Variants in RFX5 observed in about 807,000 individuals in gnomAD.
RFX5 encodes the protein DNA-binding protein RFX5.
In RFX5, 30 loss-of-function variants were observed where a neutral mutation model predicts 41.2. That is an observed-to-expected ratio of 0.73 (90% CI 0.54 to 0.99). RFX5 has a LOEUF of 0.99. Ranked by LOEUF, RFX5 falls within the 50% of genes least tolerant of loss-of-function variation. The pLI, the probability that RFX5 is intolerant of heterozygous loss-of-function variation, is 0.00. For synonymous variants in RFX5, 231 were observed against 291.8 expected, an observed-to-expected ratio of 0.79 and a Z score of 2.12; for missense variants, 715 against 773.6, an observed-to-expected ratio of 0.92 and a Z score of 0.90.
rs772299989 is a variant in RFX5 at position 151,342,968 on chromosome 1, A to C, written c.1069T>G (p.Ser357Ala). Residue 357 changes from serine to alanine, a missense_variant, in exon 11 of 11, where the codon TCA becomes GCA. Ser to Ala is a moderately conservative substitution (Grantham distance 99, BLOSUM62 1). Transcript: ENST00000452671. ...SPPILAPRLS[S>A]GALKVATLPL... ...AGTGTAGCCACTTTCAGGGCACCTGAAGAAAGCCTGGGGGCCAGAATAGGT... is the reference window on the plus strand; with the variant it reads ...AGTGTAGCCACTTTCAGGGCACCTGCAGAAAGCCTGGGGGCCAGAATAGGT... The C allele has an allele frequency of 6.2e-7, 1 of 1,614,120 alleles. No homozygotes were observed. The highest frequency in any genetic ancestry group is 1.7e-5 in the Admixed American group (1 of 60,032).
chr1:151,343,074 C>T lies in RFX5; in HGVS notation c.963G>A (p.Gln321=), dbSNP rs1306500810. The T allele has an allele frequency of 6.2e-6, 10 of 1,613,594 alleles. No homozygotes were observed. In the South Asian group the frequency reaches 9.9e-5, roughly 16 times the overall value. The change falls in exon 11 of 11, where the codon CAG becomes CAA. Residue 321 remains glutamine (Q), a synonymous_variant. Transcript: ENST00000452671. ...ESSAPGANNL[Q]VNALVARLPL... ...GCAGCCGAGCCACTAGGGCATTAAC[C>T]TGCAGGTTATTGGCTCCTGGGGCCG...
In RFX5 at chr1:151,341,298, A is replaced by G. The variant is rs7552906; in HGVS notation, c.*888T>C. ...GAGACTAGAAACGAGGAAAGAGGCT[A>G]CAGCTTGTATTGAGGGAAATGCAAG... On this transcript the variant is annotated 3_prime_UTR_variant, in exon 11 of 11. Transcript: ENST00000452671. 0.63 allele frequency: 95,654 copies of G among 152,072 alleles called. 30,218 individuals are homozygous for G. Among genetic ancestry groups the G allele is most frequent in the Middle Eastern group, 0.68 (201 of 296 alleles). The allele number at this position is 152,072 out of a possible 1,614,324, so 9.4% of individuals were successfully genotyped here. A position where few individuals can be genotyped will look rare whatever the true frequency, so the allele number is the denominator to read the frequency against.
At position 151,342,928 on chromosome 1, in the gene RFX5, C is replaced by T. The variant is rs1402328710; in HGVS notation, c.1109G>A (p.Arg370Lys). 1.2e-6 allele frequency: 2 copies of T among 1,614,150 alleles called. No homozygotes were observed. The highest frequency in any genetic ancestry group is 1.7e-6 in the Non-Finnish European group (2 of 1,180,008). ...LKVATLPLSS[R>K]AGAPPAAVPI... is the part of the protein sequence containing the mutation. ...CACAGCTGCTGGGGGTGCCCCGGCC[C>T]TACTAGACAGAGGCAGTGTAGCCAC... The change falls in exon 11 of 11, where the codon AGG becomes AAG. Residue 370 changes from arginine to lysine, a missense_variant. Transcript: ENST00000452671.
In RFX5 at chr1:151,342,923, C is replaced by T. The variant is rs968244065; in HGVS notation, c.1114G>A (p.Gly372Arg). The change falls in exon 11 of 11, where the codon GGG becomes AGG. Residue 372 changes from glycine (G) to arginine (R), a missense_variant. Transcript: ENST00000452671. ...VATLPLSSRAGAPPAAVPIIN... is the reference protein window; with the variant it reads ...VATLPLSSRARAPPAAVPIIN... ...ATGGGCACAGCTGCTGGGGGTGCCCCGGCCCTACTAGACAGAGGCAGTGTA... is the reference window on the plus strand; with the variant it reads ...ATGGGCACAGCTGCTGGGGGTGCCCTGGCCCTACTAGACAGAGGCAGTGTA... 3 of 1,614,148 alleles carry T rather than the reference C, an allele frequency of 1.9e-6. No individual in the cohort carries two copies. Among genetic ancestry groups the T allele is most frequent in the East Asian group, 2.2e-5 (1 of 44,882 alleles).
In RFX5 at chr1:151,342,068, C is replaced by T. The variant is rs990704714; in HGVS notation, c.*118G>A. 2.1e-6 allele frequency: 3 copies of T among 1,438,584 alleles called. No homozygotes were observed. Among genetic ancestry groups the T allele is most frequent in the African/African-American group, 2.8e-5 (2 of 71,118 alleles). The allele number at this position is 1,438,584 out of a possible 1,614,324, so 89.1% of individuals were successfully genotyped here. On this transcript the variant is annotated 3_prime_UTR_variant, in exon 11 of 11. Transcript: ENST00000452671. ...AGACTGGGTGACTCAGCTGTCTGTACAGAGGAGAATGGACTTCCTTAGGAA... is the reference window on the plus strand; with the variant it reads ...AGACTGGGTGACTCAGCTGTCTGTATAGAGGAGAATGGACTTCCTTAGGAA...
chr1:151,345,211 C>T (rs1650902455), intron 4 of RFX5, 23 bp from the exon 5 acceptor site: 5 of 1,597,448 alleles, frequency 3.1e-6, no homozygotes, highest in Non-Finnish European at 3.4e-6. Flanking sequence ...AGAACAGAGG[C>T]AGGAGAAATA....
Position 151,345,611 on chromosome 1 carries a change from C to CA in RFX5, c.150+316dup, listed in dbSNP as rs5777769. On this transcript the variant is annotated intron_variant, in intron 4 of 10. Coordinates refer to ENST00000452671, the MANE Select transcript of RFX5 (RefSeq NM_001025603.2). ...TAGGCGACAGAGTGAGACTCCATCTCAAAAAAAAAAAAAAAAAAGAAAGAA... is the reference window on the plus strand; with the variant it reads ...TAGGCGACAGAGTGAGACTCCATCTCAAAAAAAAAAAAAAAAAAAGAAAGAA... Among the ~76,000 whole-genome samples the CA allele has an allele frequency of 8.6e-3, 893 of 104,118 alleles. 10 individuals are homozygous for CA. Among genetic ancestry groups the CA allele is most frequent in the African/African-American group, 0.03 (779 of 25,934 alleles). 68.3% of individuals were successfully genotyped at this position (104,118 alleles called of 152,430 possible).
chr1:151,345,857 G>A (rs1024218882), intron 4 of RFX5, 71 bp downstream of exon 4: 33 of 1,598,012 alleles, frequency 2.1e-5, no homozygotes, highest in African/African-American at 2.7e-5. Context: ...TTTTGTTGAT[G>A]CCCATCATCC....
chr1:151,343,239 A>T, intron 10 of RFX5, 61 bp from the exon 11 acceptor site: 1 of 1,610,028 alleles, frequency 6.2e-7, no homozygotes, highest in Non-Finnish European at 8.5e-7. Flanking sequence ...GGAAACATAG[A>T]CGCCAGAGGC....
Position 151,344,859 on chromosome 1 carries a change from A to G in RFX5, c.234-12T>C, listed in dbSNP as rs1571262316. 1 of 1,614,154 alleles carries G rather than the reference A, an allele frequency of 6.2e-7. No individual in the cohort carries two copies. Among genetic ancestry groups the G allele is most frequent in the Non-Finnish European group, 8.5e-7 (1 of 1,180,014 alleles). The stretch of plus-strand genomic sequence containing the variant: ...TACTTGGCTCTGAGCTACAGAAACA[A>G]AAGGAACAAGCATTACTAAGACCCT... On this transcript the variant is annotated splice_polypyrimidine_tract_variant and intron_variant, in intron 5 of 10. Transcript: ENST00000452671.
chr1:151,344,622 G>A (rs1650836621), intron 6 of RFX5, 86 bp from the exon 7 acceptor site: 1 of 1,604,314 alleles, frequency 6.2e-7, no homozygotes, highest in South Asian at 1.1e-5. Context: ...TCAAGTGTGA[G>A]GAACCCTTTA....
chr1:151,345,903 T>C, intron 4 of RFX5, 25 bp downstream of exon 4: 1 of 1,614,058 alleles, frequency 6.2e-7, no homozygotes, highest in Non-Finnish European at 8.5e-7. Context: ...CATCCCTCTC[T>C]TGCCCTCTTC....
rs375513198 is a variant in RFX5, at chr1:151,345,568, C to T, written c.150+360G>A. On this transcript the variant is annotated intron_variant, in intron 4 of 10. Coordinates refer to ENST00000452671, the MANE Select transcript of RFX5 (RefSeq NM_001025603.2). Reference sequence around the variant, plus strand: ...CGGAGCTTGCAGTGAGCCGAGATTGCGCCACTGCACTCCAGCCTAGGCGAC... The same window carrying T: ...CGGAGCTTGCAGTGAGCCGAGATTGTGCCACTGCACTCCAGCCTAGGCGAC... 1.5e-4 allele frequency: 52 copies of T among 346,230 alleles called. No homozygotes were observed. The East Asian group carries it at 1.6e-3, about 11-fold the overall frequency. 21.4% of individuals were successfully genotyped at this position (346,230 alleles called of 1,614,324 possible). A position where few individuals can be genotyped will look rare whatever the true frequency, so the allele number is the denominator to read the frequency against.
At position 151,343,124 on chromosome 1, in the gene RFX5, G is replaced by C. The variant is rs764649554; in HGVS notation, c.913C>G (p.Arg305Gly). The C allele has an allele frequency of 1.2e-6, 2 of 1,612,348 alleles. No individual in the cohort carries two copies. Among genetic ancestry groups the C allele is most frequent in the South Asian group, 2.2e-5 (2 of 91,036 alleles). ...GAGCTCTCAACTACACTCTTCTTCCGCTCTCCACGTGCGAGAGGACCGGCC... is the reference window on the plus strand; with the variant it reads ...GAGCTCTCAACTACACTCTTCTTCCCCTCTCCACGTGCGAGAGGACCGGCC... ...TGAGPLARGE[R>G]KKSVVESSAP... Residue 305 changes from arginine (R) to glycine (G), a missense_variant, in exon 11 of 11, where the codon CGG (arginine) becomes GGG (glycine). Coordinates refer to ENST00000452671, the MANE Select transcript of RFX5 (RefSeq NM_001025603.2).
chr1:151,345,280 A>G, intron 4 of RFX5, 92 bp from the exon 5 acceptor site: 1 of 995,810 alleles, frequency 1.0e-6, no homozygotes, highest in Non-Finnish European at 1.6e-6. Context: ...AGTCTAGCTG[A>G]CTTACAGGGT....
chr1:151,347,080 TGAAGAA>T (rs1651158730), intron 1 of RFX5, 125 bp downstream of exon 1: 1 of 152,298 alleles, frequency 6.6e-6, no homozygotes, highest in Non-Finnish European at 1.5e-5. Flanking sequence ...TGCACATGGG[TGAAGAA>T]GCTGTTGAAA....
intron 4 of RFX5, among the ~76,000 whole-genome samples, chr1:151,345,720 C>T (rs1232362616): frequency 6.6e-6 from 1 of 152,074 alleles, no homozygotes; most frequent in Non-Finnish European, 1.5e-5. Flanking sequence ...CTGACTTCAT[C>T]TCTGCTGGGC....
Position 151,340,777 on chromosome 1 carries a change from G to A in RFX5, c.*1409C>T, listed in dbSNP as rs1383870648. 6.6e-6 allele frequency: 1 copy of A among 152,534 alleles called. No homozygotes were observed. The highest frequency in any genetic ancestry group is 1.5e-5 in the Non-Finnish European group (1 of 68,034). 9.4% of individuals were successfully genotyped at this position (152,534 alleles called of 1,614,324 possible). On this transcript the variant is annotated 3_prime_UTR_variant, in exon 11 of 11. Coordinates refer to ENST00000452671, the MANE Select transcript of RFX5 (RefSeq NM_001025603.2). ...TTATAATTTCTTAAAATCTGCTGTG[G>A]TGGAAATAAATGAACACATGAAGTC... is the stretch of plus-strand genomic sequence containing the variant.
In RFX5 at chr1:151,345,954, C is replaced by A. The variant is rs773959553; in HGVS notation, c.124G>T (p.Val42Leu). 6.2e-7 allele frequency: 1 copy of A among 1,614,048 alleles called. No individual in the cohort carries two copies. The change falls in exon 4 of 11, where the codon GTG becomes TTG. Residue 42 changes from valine to leucine, a missense_variant. By Grantham distance (32) the Val-to-Leu change is conservative. Transcript: ENST00000452671. ...QRLRGTISKA[V>L]QNKVEGILQD... ...AGGATCCCCTCTACTTTGTTCTGCA[C>A]GGCCTTGCTGTGGGGAAGAGGAGAA...
Sources: gnomAD v4.1 joint callset for allele counts (sites outside exome capture counted in the v4.1 genomes callset) on GRCh38, gnomAD v4.1.1 for gene constraint, MANE v1.5 for transcripts, NCBI Gene and HGNC (gene_info 2026-07-23, HGNC 2026-07-21) for gene names.